Variants in MED12 observed in about 807,000 individuals in gnomAD.
MED12 encodes mediator complex subunit 12.
MED12 carries 10 observed loss-of-function variants against 177.7 expected under a neutral mutation model. The ratio of observed to expected loss-of-function variants is 0.06; its 90% confidence interval spans 0.03 to 0.10. MED12 has a LOEUF of 0.10. Ranked by LOEUF, MED12 falls within the 10% of genes least tolerant of loss-of-function variation. MED12 has a pLI of 1.00. For synonymous variants in MED12, 641 were observed against 678.4 expected (o/e 0.94, Z 0.86); for missense variants, 867 against 1,780.8 (o/e 0.49, Z 9.23).
At chrX:71,127,529 C>A in intron 21 of MED12, 62 bp downstream of exon 21, 1 of 1,064,554 alleles carries the variant, frequency 9.4e-7, no homozygotes, top group Non-Finnish European at 1.3e-6. Flanking sequence ...CCATGACCAC[C>A]CAACTCAGGA....
rs2092332772 is a variant in MED12 at position 71,136,472 on chromosome X, G to A, written c.5217G>A (p.Leu1739=). The stretch of plus-strand genomic sequence containing the variant: ...GGCCCCGGCCCCGCGCCTATTACCT[G>A]GAGCCACTGCCACTGCCCCCAGAAG... ...HLRPRPRAYY[L]EPLPLPPEDE... Residue 1739 remains leucine (L), a synonymous_variant, in exon 37 of 45, where the codon CTG becomes CTA. Transcript: ENST00000374080. The A allele has an allele frequency of 8.3e-7, 1 of 1,208,963 alleles. No individual in the cohort carries two copies. The highest frequency in any genetic ancestry group is 2.7e-4 in the Middle Eastern group (1 of 3,708).
Position 71,130,222 on chromosome X carries a change from A to G in MED12, c.4047+8A>G. ...ATAAAGCGCATTCTCCAGGTAGGCC[A>G]AGGCCGTGGGGGCTGTGGAGGAAGC... On this transcript the variant is annotated splice_region_variant and intron_variant, in intron 28 of 44. Coordinates refer to ENST00000374080, the MANE Select transcript of MED12 (RefSeq NM_005120.3). The G allele has an allele frequency of 8.3e-7, 1 of 1,202,033 alleles. No homozygotes were observed. The highest frequency in any genetic ancestry group is 1.1e-6 in the Non-Finnish European group (1 of 890,449).
intron 24 of MED12, 191 bp downstream of exon 24, chrX:71,128,909 C>A: frequency 1.7e-6 from 1 of 592,681 alleles, no homozygotes. Context: ...CAGCCCTGAC[C>A]TTTCCAATTT....
At chrX:71,118,885 C>T (rs2147767494) in intron 1 of MED12, 32 bp downstream of exon 1, 5 of 1,138,118 alleles carry the variant, frequency 4.4e-6, no homozygotes, top group East Asian at 3.0e-5. Context: ...CTGGAGGGGC[C>T]GGGGGCACGC....
chrX:71,126,554 G>A (rs2092303844), intron 19 of MED12, 70 bp downstream of exon 19: 1 of 1,146,476 alleles, frequency 8.7e-7, no homozygotes, highest in African/African-American at 1.8e-5. Context: ...AGGGTCATAA[G>A]GACAGGCGTA....
At chrX:71,140,009 CA>C (rs1365358653) in intron 41 of MED12, among the ~76,000 whole-genome samples, 1 of 110,006 alleles carries the variant, frequency 9.1e-6, no homozygotes, top group East Asian at 2.8e-4. Context: ...ACAGCAACAG[CA>C]AAAAACCTCA....
intron 36 of MED12, among the ~76,000 whole-genome samples, chrX:71,135,704 A>C (rs2092330400): frequency 9.2e-6 from 1 of 108,785 alleles, no homozygotes; most frequent in Non-Finnish European, 1.9e-5. Context: ...CCAAAGTCTA[A>C]CTCCTTCATA....
At position 71,136,601 on chromosome X, in the gene MED12, CAAG is replaced by C. The variant is rs2147827025; in HGVS notation, c.5353_5355del (p.Lys1785del). 2 of 1,207,036 alleles carry C rather than the reference CAAG, an allele frequency of 1.7e-6. No individual in the cohort carries two copies. The highest frequency in any genetic ancestry group is 2.2e-6 in the Non-Finnish European group (2 of 893,843). ...CTGCTCCACCCAGTACTGAGGAACG[CAAG>C]AAGAAGTCCACCAAGGGCAAGAAAC... On this transcript the variant is annotated inframe_deletion, in exon 37 of 45. Transcript: ENST00000374080.
At chrX:71,131,919 A>G (rs748598680) in intron 29 of MED12, among the ~76,000 whole-genome samples, 154 bp from the exon 30 acceptor site, 2 of 111,394 alleles carry the variant, frequency 1.8e-5, no homozygotes, top group African/African-American at 3.3e-5. Context: ...TGGAGGTACT[A>G]GAGGGCATGA....
intron 1 of MED12, 143 bp from the exon 2 acceptor site, chrX:71,119,230 C>T (rs1285709171): frequency 3.7e-5 from 19 of 510,449 alleles, no homozygotes; most frequent in Admixed American, 2.8e-5. Flanking sequence ...AACGTAAGGG[C>T]CCAGCTTTAA....
intron 13 of MED12, 110 bp from the exon 14 acceptor site, chrX:71,124,654 G>A: frequency 1.6e-6 from 1 of 631,547 alleles, no homozygotes. Flanking sequence ...TCCAGATCCT[G>A]TGCTTTCCCC....
intron 14 of MED12, 49 bp downstream of exon 14, chrX:71,124,893 A>G (rs1178337444): frequency 2.5e-6 from 3 of 1,187,036 alleles, no homozygotes; most frequent in South Asian, 3.6e-5. Context: ...GGATCTTCCC[A>G]TTATGCCTGC....
intron 44 of MED12, 63 bp from the exon 45 acceptor site, chrX:71,142,112 T>C: frequency 8.7e-7 from 1 of 1,142,862 alleles, no homozygotes. Flanking sequence ...TGAACAGCTT[T>C]CCTCGTGCAT....
At chrX:71,132,618 AAGG>A in intron 31 of MED12, 80 bp downstream of exon 31, 1 of 1,076,104 alleles carries the variant, frequency 9.3e-7, no homozygotes, top group South Asian at 2.0e-5. Flanking sequence ...AAAATGGGCC[AAGG>A]AGAAGCATCA....
In MED12 at chrX:71,125,469, T is replaced by A. The variant is rs771591691; in HGVS notation, c.2345T>A (p.Leu782Gln). Residue 782 changes from leucine to glutamine, a missense_variant, in exon 16 of 45, where the codon CTG (leucine) becomes CAG (glutamine). Leu to Gln is a moderately radical substitution (Grantham distance 113, BLOSUM62 -2). Around this residue, in one of 14 missense-constraint regions of MED12, gnomAD observed 309 missense variants for 556.3 expected, o/e 0.56. Transcript: ENST00000374080. ...KKITKDILKV[L>Q]NRKGTAETDQ... ...ATCACCAAGGATATCTTGAAGGTTC[T>A]GAACCGCAAAGGGACAGCAGAAACT... The A allele has an allele frequency of 3.3e-6, 4 of 1,211,170 alleles. No homozygotes were observed. Among genetic ancestry groups the A allele is most frequent in the Non-Finnish European group, 4.5e-6 (4 of 895,192 alleles).
intron 29 of MED12, 144 bp downstream of exon 29, chrX:71,131,765 T>A: frequency 1.6e-6 from 1 of 612,167 alleles, no homozygotes; most frequent in Non-Finnish European, 2.7e-6. Flanking sequence ...GGTGAACAAG[T>A]GGAGCTGATG....
At position 71,120,139 on chromosome X, in the gene MED12, G is replaced by A; in HGVS notation, c.522G>A (p.Lys174=). The A allele has an allele frequency of 3.3e-6, 4 of 1,211,499 alleles. No homozygotes were observed. The highest frequency in any genetic ancestry group is 3.4e-6 in the Non-Finnish European group (3 of 895,453). The change falls in exon 4 of 45, where the codon AAG becomes AAA. Residue 174 remains lysine (K), a synonymous_variant. Transcript: ENST00000374080. ...ACTATGCAGCAATCTCTGAGACCAA[G>A]GTTAAGAAGAGACATGTTGACCCTT... ...CAYYAAISET[K]VKKRHVDPFM...
At chrX:71,141,201 C>T (rs753212873) in intron 42 of MED12, 29 bp from the exon 43 acceptor site, 11 of 1,161,992 alleles carry the variant, frequency 9.5e-6, no homozygotes, top group Non-Finnish European at 5.7e-6. Context: ...CCCTCTGCTC[C>T]TTCTGAAGTA....
chrX:71,131,411 A>T (rs1046212859), intron 28 of MED12, 139 bp from the exon 29 acceptor site: 56 of 559,436 alleles, frequency 1.0e-4, no homozygotes, highest in Admixed American at 4.3e-4. Flanking sequence ...TTTCTTAAAG[A>T]TGGGGACATA....
Sources: allele counts gnomAD v4.1 joint callset (sites outside exome capture counted in the v4.1 genomes callset), GRCh38; gene constraint gnomAD v4.1.1; regional missense constraint gnomAD v4.1.1; transcripts MANE v1.5; gene names NCBI Gene and HGNC (gene_info 2026-07-23, HGNC 2026-07-21).